RASGEF1A: variants seen among roughly 807,000 people sequenced by gnomAD.
RASGEF1A encodes RasGEF domain family member 1A.
RASGEF1A carries 18 observed loss-of-function variants against 56.4 expected under a neutral mutation model. That is an observed-to-expected ratio of 0.32 (90% CI 0.22 to 0.47). The LOEUF (loss-of-function observed/expected upper bound fraction) is 0.47. RASGEF1A is among the 20% of genes least tolerant of loss of function. RASGEF1A has a pLI of 1.00. For missense variants in RASGEF1A, 422 were observed against 627.1 expected (o/e 0.67, Z 3.49); for synonymous variants, 245 against 242.6 (o/e 1.01, Z -0.09).
At chr10:43,215,544 G>A (rs530011055) in intron 1 of RASGEF1A, among the ~76,000 whole-genome samples, 86 of 152,300 alleles carry the variant, frequency 5.6e-4, no homozygotes, top group African/African-American at 2.0e-3. Flanking sequence ...TGCATGCCAC[G>A]GACCCGACAG....
intron 1 of RASGEF1A, among the ~76,000 whole-genome samples, chr10:43,216,800 T>C (rs1017338757): frequency 6.6e-6 from 1 of 152,072 alleles, no homozygotes; most frequent in Non-Finnish European, 1.5e-5. Context: ...AGAACCTGCA[T>C]GGGGTGGCAG....
At chr10:43,207,771 G>GAAGCAGTCCACCCCA in intron 1 of RASGEF1A, 1 of 905,380 alleles carries the variant, frequency 1.1e-6, no homozygotes, top group Non-Finnish European at 1.3e-6. Flanking sequence ...ACTCTGGGGT[G>GAAGCAGTCCACCCCA]GACTGCTTCT....
At chr10:43,260,370 T>C (rs1836504623) in intron 1 of RASGEF1A, among the ~76,000 whole-genome samples, 2 of 152,178 alleles carry the variant, frequency 1.3e-5, no homozygotes, top group South Asian at 4.1e-4. Flanking sequence ...TCCCCTCCTG[T>C]GTCTTCCCCT....
intron 1 of RASGEF1A, among the ~76,000 whole-genome samples, chr10:43,212,245 T>G (rs1840078575): frequency 6.6e-6 from 1 of 152,142 alleles, no homozygotes; most frequent in South Asian, 2.1e-4. Flanking sequence ...CCGGCATCTC[T>G]CCACTCGCTC....
At position 43,200,602 on chromosome 10, in the gene RASGEF1A, G is replaced by A. The variant is rs565486280; in HGVS notation, c.681+65C>T. ...GTGACTAGCAGGGGCCTGAAGTGCT[G>A]TGCTGAAAGAGGCACTGTGGTCCCA... is the stretch of plus-strand genomic sequence containing the variant. On this transcript the variant is annotated intron_variant, in intron 5 of 12. Coordinates refer to ENST00000395810, the MANE Select transcript of RASGEF1A (RefSeq NM_145313.4). 110 of 1,428,934 alleles carry A rather than the reference G, an allele frequency of 7.7e-5. No homozygotes were observed. The South Asian group carries it at 1.2e-3, about 16-fold the overall frequency. The allele number at this position is 1,428,934 out of a possible 1,614,324, so 88.5% of individuals were successfully genotyped here.
At chr10:43,240,254 A>C (rs1196205978) in intron 1 of RASGEF1A, among the ~76,000 whole-genome samples, 1 of 152,242 alleles carries the variant, frequency 6.6e-6, no homozygotes, top group Non-Finnish European at 1.5e-5. Context: ...AACTGAGCAG[A>C]GATTTCAGTG....
chr10:43,208,393 C>A (rs534048034), intron 1 of RASGEF1A: 51 of 985,726 alleles, frequency 5.2e-5, no homozygotes, highest in East Asian at 1.1e-4. Context: ...GAGAGACCTG[C>A]CTCAGTGCTA....
At chr10:43,260,404 A>C (rs542515440) in intron 1 of RASGEF1A, among the ~76,000 whole-genome samples, 31 of 152,302 alleles carry the variant, frequency 2.0e-4, no homozygotes, top group African/African-American at 7.5e-4. Flanking sequence ...GTTGCCTCAC[A>C]TAAGACAGCT....
At chr10:43,238,445 C>A (rs1347996865) in intron 1 of RASGEF1A, among the ~76,000 whole-genome samples, 1 of 152,196 alleles carries the variant, frequency 6.6e-6, no homozygotes, top group Non-Finnish European at 1.5e-5. Flanking sequence ...CTACTACTAC[C>A]GTTTTTGACA....
chr10:43,246,235 A>G (rs1022384058), intron 1 of RASGEF1A, among the ~76,000 whole-genome samples: 5 of 152,212 alleles, frequency 3.3e-5, no homozygotes, highest in African/African-American at 1.2e-4. Context: ...ACTAAAAACT[A>G]CAAAACATAG....
intron 1 of RASGEF1A, among the ~76,000 whole-genome samples, chr10:43,226,393 G>A (rs1479739267): frequency 6.6e-6 from 1 of 152,144 alleles, no homozygotes; most frequent in Non-Finnish European, 1.5e-5. Context: ...GTGAGATCAT[G>A]CCATTGCACT....
intron 1 of RASGEF1A, among the ~76,000 whole-genome samples, chr10:43,250,709 C>G (rs1458583481): frequency 6.6e-6 from 1 of 152,222 alleles, no homozygotes; most frequent in Non-Finnish European, 1.5e-5. Flanking sequence ...TTGCTTACAT[C>G]TGCCCCTCAC....
intron 1 of RASGEF1A, among the ~76,000 whole-genome samples, chr10:43,211,707 C>G (rs1016428136): frequency 6.6e-6 from 1 of 152,154 alleles, no homozygotes; most frequent in East Asian, 1.9e-4. Flanking sequence ...ACAGCTGCAC[C>G]CCCAGTCTCT....
chr10:43,218,702 G>A (rs973477909), intron 1 of RASGEF1A, among the ~76,000 whole-genome samples: 12 of 152,264 alleles, frequency 7.9e-5, no homozygotes, highest in Non-Finnish European at 2.9e-5. Flanking sequence ...GGCTGGCCAG[G>A]GCAGTCTCAG....
chr10:43,211,285 T>C (rs1564532160), intron 1 of RASGEF1A, among the ~76,000 whole-genome samples: 2 of 152,172 alleles, frequency 1.3e-5, no homozygotes, highest in Non-Finnish European at 2.9e-5. Flanking sequence ...CTGGCTTTAC[T>C]TGGCTCTCTG....
At chr10:43,235,180 G>A (rs1351024606) in intron 1 of RASGEF1A, among the ~76,000 whole-genome samples, 4 of 152,244 alleles carry the variant, frequency 2.6e-5, no homozygotes, top group Non-Finnish European at 5.9e-5. Flanking sequence ...GTGAAGGAGG[G>A]GGTGAATGGG....
At chr10:43,200,363 C>T in intron 5 of RASGEF1A, 107 bp from the exon 6 acceptor site, 1 of 930,976 alleles carries the variant, frequency 1.1e-6, no homozygotes, top group Non-Finnish European at 1.7e-6. Context: ...GGGCACAGGA[C>T]CTTCACCTCC....
intron 1 of RASGEF1A, among the ~76,000 whole-genome samples, chr10:43,245,627 C>G (rs1257947122): frequency 6.6e-6 from 1 of 152,126 alleles, no homozygotes; most frequent in Admixed American, 6.5e-5. Context: ...GATCAACATA[C>G]AAAGATCAAT....
chr10:43,221,668 G>T (rs10793424), intron 1 of RASGEF1A, among the ~76,000 whole-genome samples: 25,181 of 152,298 alleles, frequency 0.17, 2,689 homozygotes, highest in East Asian at 0.51. Context: ...GGCTGCAAGC[G>T]CAGGGCAGCG....
Sources: allele counts gnomAD v4.1 joint callset (sites outside exome capture counted in the v4.1 genomes callset), GRCh38; gene constraint gnomAD v4.1.1; transcripts MANE v1.5; gene names NCBI Gene and HGNC (gene_info 2026-07-23, HGNC 2026-07-21).